TEKT1: variants seen among roughly 807,000 people sequenced by gnomAD.
TEKT1 encodes the protein tektin-1.
A neutral mutation model predicts 34.8 loss-of-function variants in TEKT1; 32 were observed. That is an observed-to-expected ratio of 0.92 (90% CI 0.69 to 1.23). TEKT1 has a LOEUF of 1.23. Among genes scored for constraint, TEKT1 ranks in the 50% most tolerant of loss-of-function variants. TEKT1 has a pLI of 0.00. For synonymous variants in TEKT1, 207 were observed against 199.8 expected (o/e 1.04, Z -0.30); for missense variants, 492 against 518.5 (o/e 0.95, Z 0.50).
intron 5 of TEKT1, among the ~76,000 whole-genome samples, chr17:6,813,275 C>T (rs1419866971): frequency 2.6e-5 from 4 of 152,136 alleles, no homozygotes; most frequent in Non-Finnish European, 5.9e-5. Context: ...CTCATTTAAT[C>T]CTCATGATGG....
chr17:6,831,355 A>G (rs1386798456), intron 1 of TEKT1, among the ~76,000 whole-genome samples: 3 of 152,108 alleles, frequency 2.0e-5, no homozygotes, highest in African/African-American at 7.2e-5. Flanking sequence ...GCCTTCACAT[A>G]TATAAGGATG....
chr17:6,819,570 T>C (rs1379886148), intron 2 of TEKT1, among the ~76,000 whole-genome samples: 7 of 152,344 alleles, frequency 4.6e-5, no homozygotes, highest in South Asian at 4.1e-4. Flanking sequence ...AGATTTATCA[T>C]TCTACACCCA....
intron 2 of TEKT1, among the ~76,000 whole-genome samples, chr17:6,822,317 G>GT (rs1261535117): frequency 6.6e-6 from 1 of 151,926 alleles, no homozygotes; most frequent in African/African-American, 2.4e-5. Context: ...TCTTATTTTT[G>GT]TAGAGGCAAG....
At position 6,815,249 on chromosome 17, in the gene TEKT1, G is replaced by C; in HGVS notation, c.543C>G (p.Ala181=). The stretch of plus-strand genomic sequence containing the variant: ...AGAAGCAGATATCATCTATGGTCAG[G>C]GCCACAAACTTGTCCTTCAAATCCT... The part of the protein sequence containing the change: ...LEKDLKDKFV[A]LTIDDICFSL... Residue 181 remains alanine, a synonymous_variant, in exon 5 of 8, where the codon GCC becomes GCG. Transcript: ENST00000338694. 2 of 1,614,186 alleles carry C rather than the reference G, an allele frequency of 1.2e-6. No individual in the cohort carries two copies.
At chr17:6,819,053 A>C in intron 3 of TEKT1, 140 bp downstream of exon 3, 1 of 1,015,030 alleles carries the variant, frequency 9.9e-7, no homozygotes, top group African/African-American at 1.6e-5. Context: ...CACCAGGGGC[A>C]TGCTGGGATA....
chr17:6,821,061 T>G (rs1190170011), intron 2 of TEKT1, among the ~76,000 whole-genome samples: 1 of 152,216 alleles, frequency 6.6e-6, no homozygotes, highest in African/African-American at 2.4e-5. Context: ...GATTCCTGAT[T>G]CTTTGTATAT....
At chr17:6,829,077 G>A (rs149876706) in intron 2 of TEKT1, among the ~76,000 whole-genome samples, 1,599 of 152,308 alleles carry the variant, frequency 0.01, 35 homozygotes, top group African/African-American at 0.036. Flanking sequence ...CTCGAACCTG[G>A]AAGGCAGAGA....
chr17:6,806,798 C>A (rs569730017), intron 6 of TEKT1, among the ~76,000 whole-genome samples: 1 of 152,312 alleles, frequency 6.6e-6, no homozygotes, highest in East Asian at 1.9e-4. Flanking sequence ...TATCGGCCCC[C>A]ACTCTCTTCT....
intron 2 of TEKT1, among the ~76,000 whole-genome samples, chr17:6,826,386 A>G (rs1316628972): frequency 1.3e-5 from 2 of 151,856 alleles, no homozygotes; most frequent in African/African-American, 2.4e-5. Flanking sequence ...ATCTTTTCCT[A>G]CTCTTTAGAT....
At chr17:6,825,941 A>G (rs765798964) in intron 2 of TEKT1, among the ~76,000 whole-genome samples, 10 of 152,222 alleles carry the variant, frequency 6.6e-5, no homozygotes, top group Non-Finnish European at 1.3e-4. Flanking sequence ...GTAAACATAT[A>G]TTCCCGTATG....
intron 6 of TEKT1, among the ~76,000 whole-genome samples, chr17:6,809,724 T>C (rs763451146): frequency 6.6e-6 from 1 of 152,226 alleles, no homozygotes; most frequent in Non-Finnish European, 1.5e-5. Context: ...GAATGTCATA[T>C]AGTTGGACTT....
chr17:6,803,398 A>G (rs1404054361), intron 6 of TEKT1, among the ~76,000 whole-genome samples: 1 of 152,078 alleles, frequency 6.6e-6, no homozygotes. Flanking sequence ...ATTTTCTTCC[A>G]TTCTGCAGGT....
intron 3 of TEKT1, among the ~76,000 whole-genome samples, chr17:6,818,716 A>G (rs28698516): frequency 0.047 from 7,082 of 152,140 alleles, 526 homozygotes; most frequent in African/African-American, 0.16. Flanking sequence ...ACTTACTCCT[A>G]CTTGCTGGAA....
intron 6 of TEKT1, among the ~76,000 whole-genome samples, chr17:6,808,614 C>T (rs924859244): frequency 2.0e-5 from 3 of 152,112 alleles, no homozygotes; most frequent in African/African-American, 7.2e-5. Context: ...GGCTCCACCC[C>T]TATTTAAATT....
intron 5 of TEKT1, 108 bp downstream of exon 5, chr17:6,815,055 C>T: frequency 1.4e-6 from 2 of 1,406,628 alleles, no homozygotes; most frequent in Non-Finnish European, 1.9e-6. Context: ...TTGCCCCAAG[C>T]CCACCACTTC....
chr17:6,815,453 C>A lies in TEKT1; in HGVS notation c.486-147G>T, dbSNP rs887127713. ...CCCACCCATCACCCCAACACTCATG[C>A]GTATACCATTTGATGCCCGGTGACA... is the stretch of plus-strand genomic sequence containing the variant. On this transcript the variant is annotated intron_variant, in intron 4 of 7. Transcript: ENST00000338694. 4.4e-5 allele frequency: 41 copies of A among 922,230 alleles called. No individual in the cohort carries two copies. In the Middle Eastern group the frequency reaches 9.2e-4, roughly 21 times the overall value. The allele number at this position is 922,230 out of a possible 1,614,324, so 57.1% of individuals were successfully genotyped here.
At position 6,800,224 on chromosome 17, in the gene TEKT1, T is replaced by C. The variant is rs759028254; in HGVS notation, c.1060A>G (p.Thr354Ala). The C allele has an allele frequency of 6.2e-6, 10 of 1,613,492 alleles. No homozygotes were observed. In the South Asian group the frequency reaches 1.1e-4, roughly 18 times the overall value. The change falls in exon 8 of 8, where the codon ACT becomes GCT. Residue 354 changes from threonine to alanine, a missense_variant. Physicochemically the swap from Thr to Ala is moderately conservative, Grantham distance 58. Coordinates refer to ENST00000338694, the MANE Select transcript of TEKT1 (RefSeq NM_053285.2). ...AGCTCTGCCTGAGCTTGGGCTAAAG[T>C]TTCCTTCAATCTAGGAGAAAGGGAA... ...ITHNVARLKE[T>A]LAQAQAELKG... is the part of the protein sequence containing the mutation.
intron 1 of TEKT1, among the ~76,000 whole-genome samples, 169 bp downstream of exon 1, chr17:6,831,480 T>C (rs1017795562): frequency 6.6e-6 from 1 of 152,170 alleles, no homozygotes; most frequent in Non-Finnish European, 1.5e-5. Flanking sequence ...TTCTACCGAA[T>C]TTATCTGAGT....
chr17:6,821,094 A>C (rs1977082572), intron 2 of TEKT1, among the ~76,000 whole-genome samples: 1 of 152,162 alleles, frequency 6.6e-6, no homozygotes, highest in Middle Eastern at 3.2e-3. Flanking sequence ...CCACTCTGAA[A>C]AATTTTAGTA....
Sources: allele counts gnomAD v4.1 joint callset (sites outside exome capture counted in the v4.1 genomes callset), GRCh38; gene constraint gnomAD v4.1.1; transcripts MANE v1.5; gene names NCBI Gene and HGNC (gene_info 2026-07-23, HGNC 2026-07-21).